The following SUCLG2 variants were observed in gnomAD, a reference collection of about 807,000 sequenced individuals.
SUCLG2 encodes succinate--CoA ligase [GDP-forming] subunit beta, mitochondrial.
In SUCLG2, 42 loss-of-function variants were observed where a neutral mutation model predicts 47.9. That is an observed-to-expected ratio of 0.88 (90% CI 0.69 to 1.14). SUCLG2 has a LOEUF of 1.14. Among genes scored for constraint, SUCLG2 ranks in the 50% most tolerant of loss-of-function variants. SUCLG2 has a pLI of 0.00. For synonymous variants in SUCLG2, 195 were observed against 197.3 expected (o/e 0.99, Z 0.10); for missense variants, 571 against 525.9 (o/e 1.09, Z -0.84).
chr3:67,520,445 A>G (rs778452275), intron 5 of SUCLG2, 37 bp downstream of exon 5: 2 of 1,613,456 alleles, frequency 1.2e-6, no homozygotes, highest in Admixed American at 3.3e-5. Flanking sequence ...TACAATAACA[A>G]TCAATTAATA....
At chr3:67,440,019 G>A (rs1319074226) in intron 9 of SUCLG2, among the ~76,000 whole-genome samples, 1 of 152,136 alleles carries the variant, frequency 6.6e-6, no homozygotes, top group Non-Finnish European at 1.5e-5. Flanking sequence ...CATGGTATTA[G>A]TACCAAAACA....
intron 9 of SUCLG2, among the ~76,000 whole-genome samples, chr3:67,466,177 A>T (rs1018100804): frequency 4.6e-5 from 7 of 150,820 alleles, no homozygotes; most frequent in African/African-American, 1.7e-4. Context: ...ACATGGTGAA[A>T]CTCCGTCTCT....
intron 9 of SUCLG2, among the ~76,000 whole-genome samples, chr3:67,492,889 T>C (rs1312951186): frequency 1.3e-5 from 2 of 152,136 alleles, no homozygotes; most frequent in Admixed American, 1.3e-4. Flanking sequence ...ACATCATGAG[T>C]GGAAATATAT....
At chr3:67,390,639 A>G (rs1157840087) in intron 10 of SUCLG2, among the ~76,000 whole-genome samples, 1 of 149,562 alleles carries the variant, frequency 6.7e-6, no homozygotes, top group Admixed American at 6.8e-5. Flanking sequence ...AGAACAAATT[A>G]TCTGAAATGA....
chr3:67,577,486 A>G (rs529811531), intron 2 of SUCLG2, among the ~76,000 whole-genome samples: 1 of 152,356 alleles, frequency 6.6e-6, no homozygotes, highest in Admixed American at 6.5e-5. Context: ...AAGAAGACAT[A>G]CATGGAAATG....
chr3:67,531,064 T>C (rs1575758679), intron 2 of SUCLG2, among the ~76,000 whole-genome samples: 1 of 152,194 alleles, frequency 6.6e-6, no homozygotes, highest in East Asian at 1.9e-4. Flanking sequence ...AGTAGTCATA[T>C]TAAAGAAGTC....
At chr3:67,622,341 T>A (rs1700749888) in intron 1 of SUCLG2, among the ~76,000 whole-genome samples, 1 of 152,186 alleles carries the variant, frequency 6.6e-6, no homozygotes, top group South Asian at 2.1e-4. Flanking sequence ...GATACATACA[T>A]AGATATATCA....
intron 2 of SUCLG2, among the ~76,000 whole-genome samples, chr3:67,535,813 T>C (rs544800957): frequency 2.0e-4 from 30 of 152,250 alleles, no homozygotes; most frequent in African/African-American, 6.7e-4. Context: ...CACAATGAAC[T>C]GCAGGGAGTA....
chr3:67,622,587 A>C (rs781143263), intron 1 of SUCLG2, among the ~76,000 whole-genome samples: 1 of 152,246 alleles, frequency 6.6e-6, no homozygotes, highest in Non-Finnish European at 1.5e-5. Context: ...ATCCTGAATA[A>C]AAGTTATCTA....
chr3:67,625,567 T>G (rs1239385535), intron 1 of SUCLG2, among the ~76,000 whole-genome samples: 1 of 152,136 alleles, frequency 6.6e-6, no homozygotes, highest in Non-Finnish European at 1.5e-5. Flanking sequence ...TGAGGACCTT[T>G]GCCTCTAAAG....
chr3:67,637,686 A>G (rs1383097632), intron 1 of SUCLG2, among the ~76,000 whole-genome samples: 2 of 152,206 alleles, frequency 1.3e-5, no homozygotes, highest in Non-Finnish European at 2.9e-5. Context: ...TTATCAGGAT[A>G]ATGGTGGTTG....
At chr3:67,528,943 C>G in intron 3 of SUCLG2, 144 bp downstream of exon 3, 2 of 597,198 alleles carry the variant, frequency 3.3e-6, no homozygotes, top group Non-Finnish European at 5.8e-6. Flanking sequence ...TGCCAGAGCC[C>G]TCTACCTATG....
intron 2 of SUCLG2, among the ~76,000 whole-genome samples, chr3:67,606,326 T>C (rs1409510840): frequency 6.6e-6 from 1 of 152,334 alleles, no homozygotes; most frequent in East Asian, 1.9e-4. Context: ...ACTAAGTGCA[T>C]ATCTCCAGGA....
chr3:67,554,827 G>A (rs1707113691), intron 2 of SUCLG2, among the ~76,000 whole-genome samples: 1 of 152,012 alleles, frequency 6.6e-6, no homozygotes, highest in Non-Finnish European at 1.5e-5. Flanking sequence ...AGGGAGGTTG[G>A]GAAATAATTT....
At chr3:67,638,796 G>C (rs561700742) in intron 1 of SUCLG2, among the ~76,000 whole-genome samples, 1 of 152,078 alleles carries the variant, frequency 6.6e-6, no homozygotes, top group Non-Finnish European at 1.5e-5. Context: ...TAAGTGACTC[G>C]CCAGTATCTT....
chr3:67,653,914 G>A (rs955496514), intron 1 of SUCLG2, among the ~76,000 whole-genome samples: 8 of 152,196 alleles, frequency 5.3e-5, no homozygotes, highest in African/African-American at 1.7e-4. Flanking sequence ...TTTAGTGACA[G>A]CCCTGATTTT....
chr3:67,519,753 G>C (rs997724147), intron 5 of SUCLG2, among the ~76,000 whole-genome samples: 1 of 152,112 alleles, frequency 6.6e-6, no homozygotes, highest in East Asian at 1.9e-4. Context: ...TTCAATTTTA[G>C]TTCTGAAAAC....
At chr3:67,441,193 A>AG (rs1284336706) in intron 9 of SUCLG2, among the ~76,000 whole-genome samples, 2 of 151,778 alleles carry the variant, frequency 1.3e-5, no homozygotes, top group East Asian at 3.9e-4. Flanking sequence ...ACATGGACAC[A>AG]GGGAGGGGAA....
intron 9 of SUCLG2, among the ~76,000 whole-genome samples, chr3:67,430,835 T>G (rs1401809648): frequency 1.3e-5 from 2 of 152,046 alleles, no homozygotes; most frequent in African/African-American, 4.8e-5. Flanking sequence ...TCTACACAAA[T>G]AAACTAGAAA....
Sources: allele counts gnomAD v4.1 joint callset (sites outside exome capture counted in the v4.1 genomes callset), GRCh38; gene constraint gnomAD v4.1.1; transcripts MANE v1.5; gene names NCBI Gene and HGNC (gene_info 2026-07-23, HGNC 2026-07-21).